PITRM1: variants seen among roughly 807,000 people sequenced by gnomAD.
The protein encoded by PITRM1 is pitrilysin metallopeptidase 1.
Under a neutral mutation model 129.9 loss-of-function variants are expected in PITRM1, and 100 were observed. That is an observed-to-expected ratio of 0.77 (90% CI 0.65 to 0.91). The LOEUF (loss-of-function observed/expected upper bound fraction) is 0.91. Among genes scored for constraint, PITRM1 ranks in the 40% least tolerant of loss-of-function variants. PITRM1 has a pLI of 0.00. For synonymous variants in PITRM1, 591 were observed against 508.8 expected (o/e 1.16, Z -2.17); for missense variants, 1,471 against 1,318.3 (o/e 1.12, Z -1.79).
chr10:3,147,759 A>G, intron 18 of PITRM1, 22 bp from the exon 19 acceptor site: 5 of 1,554,262 alleles, frequency 3.2e-6, no homozygotes, highest in Non-Finnish European at 4.3e-6. Context: ...GGAGAAGAAA[A>G]AATTCCTGGA....
At chr10:3,163,944 T>A (rs1842664658) in intron 6 of PITRM1, 59 bp from the exon 7 acceptor site, 3 of 1,171,768 alleles carry the variant, frequency 2.6e-6, no homozygotes, top group Admixed American at 4.9e-5. Context: ...ACACGTTACA[T>A]TACTTACAAT....
Position 3,170,212 on chromosome 10 carries a change from T to C in PITRM1, c.57-6A>G, listed in dbSNP as rs781115783. ...ACGCTCTGTGGTGTGCATGTCTAGA[T>C]TAAAAGTCATCTAAGTTAGATGAGT... On this transcript the variant is annotated splice_polypyrimidine_tract_variant and splice_region_variant and intron_variant, in intron 1 of 26. Transcript: ENST00000224949. 6.2e-7 allele frequency: 1 copy of C among 1,610,596 alleles called. No homozygotes were observed. Among genetic ancestry groups the C allele is most frequent in the Non-Finnish European group, 8.5e-7 (1 of 1,177,038 alleles).
chr10:3,165,566 G>T (rs1244101884), intron 4 of PITRM1, 39 bp from the exon 5 acceptor site: 9 of 1,144,912 alleles, frequency 7.9e-6, no homozygotes, highest in Non-Finnish European at 1.3e-6. Context: ...AAATATAACA[G>T]ATTTCTACTA....
intron 1 of PITRM1, 75 bp downstream of exon 1, chr10:3,172,642 T>C: frequency 7.4e-7 from 1 of 1,356,494 alleles, no homozygotes; most frequent in South Asian, 1.4e-5. Flanking sequence ...CGAGGACCCC[T>C]ACGCCTCCGG....
At position 3,170,190 on chromosome 10, in the gene PITRM1, C is replaced by G; in HGVS notation, c.73G>C (p.Ala25Pro). The change falls in exon 2 of 27, where the codon GCG becomes CCG. Residue 25 changes from alanine (A) to proline (P), a missense_variant. Transcript: ENST00000224949. Reference sequence around the variant, plus strand: ...GCCCGGTTACTGTTCCATCGCCACGCTCTGTGGTGTGCATGTCTAGATTAA... The same window carrying G: ...GCCCGGTTACTGTTCCATCGCCACGGTCTGTGGTGTGCATGTCTAGATTAA... ...RLSGGHAHHR[A>P]WRWNSNRACE... 1 of 1,613,600 alleles carries G rather than the reference C, an allele frequency of 6.2e-7. No homozygotes were observed. Among genetic ancestry groups the G allele is most frequent in the Non-Finnish European group, 8.5e-7 (1 of 1,179,524 alleles).
rs1305934151 is a variant in PITRM1 at position 3,137,738 on chromosome 10, G to C, written c.*293C>G. On this transcript the variant is annotated 3_prime_UTR_variant, in exon 27 of 27. Transcript: ENST00000224949. ...TGACTCAAGCAGAGGTTAAGTCAGA[G>C]TTGCCCTTTATTTTTAGATTCTTAA... 45 of 423,880 alleles carry C rather than the reference G, an allele frequency of 1.1e-4. No individual in the cohort carries two copies. Among genetic ancestry groups the C allele is most frequent in the Non-Finnish European group, 1.6e-4 (35 of 221,122 alleles). 26.3% of individuals were successfully genotyped at this position (423,880 alleles called of 1,614,324 possible). A position where few individuals can be genotyped will look rare whatever the true frequency, so the allele number is the denominator to read the frequency against.
Position 3,144,331 on chromosome 10 carries a change from G to A in PITRM1, c.2493C>T (p.His831=), listed in dbSNP as rs376788309. 1.3e-5 allele frequency: 20 copies of A among 1,562,766 alleles called. No homozygotes were observed. The highest frequency in any genetic ancestry group is 8.2e-5 in the African/African-American group (6 of 73,548). The change falls in exon 22 of 27, where the codon CAC becomes CAT. Residue 831 remains histidine (H), a synonymous_variant. Coordinates refer to ENST00000224949, the MANE Select transcript of PITRM1 (RefSeq NM_014889.4). ...TAATGACCTGGGAGCCATGGGGAAC[G>A]TGGGCATCTCCACCAGAGCTGCTGG... is the stretch of plus-strand genomic sequence containing the variant. ...PVPSSSGGDA[H]VPHGSQVIRK...
At chr10:3,155,896 T>C (rs1841939484) in intron 13 of PITRM1, among the ~76,000 whole-genome samples, 167 bp from the exon 14 acceptor site, 2 of 152,194 alleles carry the variant, frequency 1.3e-5, no homozygotes, top group African/African-American at 4.8e-5. Context: ...CTGATGCAAG[T>C]ACACAAGCCT....
intron 23 of PITRM1, among the ~76,000 whole-genome samples, 194 bp from the exon 24 acceptor site, chr10:3,141,006 A>G (rs1840136714): frequency 6.6e-6 from 1 of 152,174 alleles, no homozygotes; most frequent in South Asian, 2.1e-4. Context: ...CATTAGTGCA[A>G]TCACAGCTCA....
intron 4 of PITRM1, 110 bp downstream of exon 4, chr10:3,166,119 C>A: frequency 1.1e-6 from 1 of 902,338 alleles, no homozygotes; most frequent in South Asian, 2.4e-5. Flanking sequence ...AAAAATTTTT[C>A]TAGAACATGA....
chr10:3,140,973 C>T (rs1386923863), intron 23 of PITRM1, among the ~76,000 whole-genome samples, 161 bp from the exon 24 acceptor site: 7 of 152,258 alleles, frequency 4.6e-5, no homozygotes, highest in South Asian at 4.1e-4. Context: ...GATGGGGTCT[C>T]GCTCTGTCGC....
At chr10:3,141,743 G>C (rs1228846304) in intron 23 of PITRM1, 1 of 452,860 alleles carries the variant, frequency 2.2e-6, no homozygotes, top group East Asian at 7.3e-5. Context: ...TTTTCCTAAA[G>C]TGGATGAAGG....
chr10:3,140,811 G>C lies in PITRM1; in HGVS notation c.2647C>G (p.Leu883Val), dbSNP rs71477812. ...GTCATCAAACGTGCAAGGATTTTAA[G>C]ACTGAAATGATTAAAAAATGCAAGT... The part of the protein sequence containing the change: ...VPYTDPDHAS[L>V]KILARLMTAK... Residue 883 changes from leucine (L) to valine (V), a missense_variant and splice_region_variant, in exon 24 of 27, where the codon CTT (leucine) becomes GTT (valine). Leu to Val is a conservative substitution (Grantham distance 32, BLOSUM62 1). Transcript: ENST00000224949. 2.5e-6 allele frequency: 4 copies of C among 1,575,634 alleles called. No individual in the cohort carries two copies. The highest frequency in any genetic ancestry group is 3.5e-6 in the Non-Finnish European group (4 of 1,158,378).
intron 9 of PITRM1, 53 bp from the exon 10 acceptor site, chr10:3,159,095 T>C: frequency 6.7e-7 from 1 of 1,495,212 alleles, no homozygotes; most frequent in East Asian, 2.4e-5. Context: ...AAGGGAAAAT[T>C]ACTGGCCCTT....
chr10:3,160,062 A>G (rs937393334), intron 8 of PITRM1, 126 bp from the exon 9 acceptor site: 17 of 1,251,258 alleles, frequency 1.4e-5, no homozygotes, highest in Non-Finnish European at 1.8e-5. Context: ...TTTCAAACAA[A>G]TTACCATTCT....
rs373176191 is a variant in PITRM1, at chr10:3,165,422, A to C, written c.524T>G (p.Leu175Arg). The C allele has an allele frequency of 6.6e-5, 106 of 1,609,070 alleles. No homozygotes were observed. In the African/African-American group the frequency reaches 9.2e-4, roughly 14 times the overall value. Reference sequence around the variant, plus strand: ...ATCATTCATGACATACCAGAAATCCAGCTCGCGTAAACATGGGAAAAAGGT... The same window carrying C: ...ATCATTCATGACATACCAGAAATCCCGCTCGCGTAAACATGGGAAAAAGGT... ...DATFFPCLRE[L>R]DFWQEGWRLE... The change falls in exon 5 of 27, where the codon CTG becomes CGG. Residue 175 changes from leucine to arginine, a missense_variant. Coordinates refer to ENST00000224949, the MANE Select transcript of PITRM1 (RefSeq NM_014889.4).
intron 2 of PITRM1, chr10:3,167,923 G>A (rs1429760650): frequency 1.3e-5 from 2 of 152,082 alleles, no homozygotes; most frequent in African/African-American, 4.8e-5. Context: ...CAAGACAGAC[G>A]AAAGACTCCC....
At chr10:3,142,233 C>A (rs1840306013) in intron 23 of PITRM1, among the ~76,000 whole-genome samples, 1 of 152,216 alleles carries the variant, frequency 6.6e-6, no homozygotes, top group South Asian at 2.1e-4. Flanking sequence ...TGACCACATA[C>A]TTCTACAGCC....
At chr10:3,166,861 G>C in intron 3 of PITRM1, 75 bp downstream of exon 3, 1 of 854,424 alleles carries the variant, frequency 1.2e-6, no homozygotes, top group East Asian at 2.7e-5. Flanking sequence ...TTGTGGCACA[G>C]GGAAGCCAAA....
Sources: allele counts gnomAD v4.1 joint callset (sites outside exome capture counted in the v4.1 genomes callset), GRCh38; gene constraint gnomAD v4.1.1; transcripts MANE v1.5; gene names NCBI Gene and HGNC (gene_info 2026-07-23, HGNC 2026-07-21).